The following LIPA variants were observed in gnomAD, a reference collection of about 807,000 sequenced individuals.
LIPA encodes lysosomal acid lipase/cholesteryl ester hydrolase.
A neutral mutation model predicts 40.6 loss-of-function variants in LIPA; 26 were observed. The ratio of observed to expected loss-of-function variants is 0.64; its 90% CI spans 0.47 to 0.89. The LOEUF (loss-of-function observed/expected upper bound fraction) is 0.89. Among genes scored for constraint, LIPA ranks in the 40% least tolerant of loss-of-function variants. LIPA has a pLI of 0.00. For synonymous variants in LIPA, 188 were observed against 168.4 expected (o/e 1.12, Z -0.90); for missense variants, 455 against 479.6 (o/e 0.95, Z 0.48).
chr10:89,339,451 CG>C (rs751198191), intron 1 of LIPA: 2 of 1,614,138 alleles, frequency 1.2e-6, no homozygotes, highest in Admixed American at 1.7e-5. Context: ...ACTGTTTCAA[CG>C]GGTGTTGGAA....
chr10:89,306,357 A>G (rs755890892), intron 1 of LIPA: 1 of 1,614,188 alleles, frequency 6.2e-7, no homozygotes, highest in South Asian at 1.1e-5. Flanking sequence ...TATAGAATTG[A>G]GAGTCCAGAG....
chr10:89,408,641 A>G (rs1841444669), intron 2 of LIPA, among the ~76,000 whole-genome samples: 1 of 152,234 alleles, frequency 6.6e-6, no homozygotes, highest in African/African-American at 2.4e-5. Flanking sequence ...AAAGCAGATC[A>G]AGGCAGACCT....
chr10:89,365,180 TG>T (rs1355733386), intron 2 of LIPA, among the ~76,000 whole-genome samples: 3 of 152,202 alleles, frequency 2.0e-5, no homozygotes, highest in Admixed American at 6.5e-5. Flanking sequence ...TACCAGTGCA[TG>T]GGGTTTCCAA....
intron 1 of LIPA, among the ~76,000 whole-genome samples, chr10:89,322,694 A>G (rs1465772017): frequency 6.6e-6 from 1 of 152,102 alleles, no homozygotes; most frequent in South Asian, 2.1e-4. Flanking sequence ...CTGGTGCCAT[A>G]GCCCAATAAA....
intron 6 of LIPA, 124 bp downstream of exon 6, chr10:89,224,968 C>CCACT: frequency 8.0e-7 from 1 of 1,245,772 alleles, no homozygotes; most frequent in Non-Finnish European, 1.2e-6. Context: ...AAAGAAAAGC[C>CCACT]CACTGCTCCA....
At chr10:89,327,963 C>T (rs1843614932) in intron 1 of LIPA, 1 of 1,101,676 alleles carries the variant, frequency 9.1e-7, no homozygotes, top group South Asian at 1.3e-5. Context: ...TACTCTCCCA[C>T]CCCTTTATAT....
chr10:89,307,290 A>C (rs138979563), intron 1 of LIPA: 3 of 1,613,952 alleles, frequency 1.9e-6, no homozygotes, highest in African/African-American at 1.3e-5. Flanking sequence ...CTGAATGAAA[A>C]AATGCAACAA....
At chr10:89,379,081 T>C (rs1167339357) in intron 2 of LIPA, among the ~76,000 whole-genome samples, 3 of 152,256 alleles carry the variant, frequency 2.0e-5, no homozygotes, top group Admixed American at 2.0e-4. Context: ...ATTGGTTAAA[T>C]TCACGTGGGA....
At chr10:89,232,942 C>T (rs1842859685) in intron 3 of LIPA, among the ~76,000 whole-genome samples, 1 of 152,174 alleles carries the variant, frequency 6.6e-6, no homozygotes, top group Admixed American at 6.5e-5. Context: ...GGCCTGTGGA[C>T]AGCTGGAGCA....
chr10:89,378,209 G>A (rs1844136783), intron 2 of LIPA: 1 of 1,564,006 alleles, frequency 6.4e-7, no homozygotes, highest in Non-Finnish European at 8.8e-7. Flanking sequence ...TTCCTTAAGG[G>A]CCAATTTTTT....
At chr10:89,287,719 C>T (rs1843348501) in intron 1 of LIPA, among the ~76,000 whole-genome samples, 2 of 152,214 alleles carry the variant, frequency 1.3e-5, no homozygotes, top group African/African-American at 4.8e-5. Context: ...AGGATTAAAG[C>T]ATGTTATCAC....
intron 2 of LIPA, among the ~76,000 whole-genome samples, chr10:89,371,085 C>A (rs948074591): frequency 6.6e-6 from 1 of 152,184 alleles, no homozygotes; most frequent in Non-Finnish European, 1.5e-5. Context: ...GGCAAAATTG[C>A]CCCCATTTGA....
At chr10:89,410,424 G>A (rs1329691721) in intron 2 of LIPA, among the ~76,000 whole-genome samples, 1 of 152,218 alleles carries the variant, frequency 6.6e-6, no homozygotes, top group Non-Finnish European at 1.5e-5. Context: ...TGCTGCCCGA[G>A]ATGATCCCTT....
chr10:89,265,385 C>T (rs1188044637), intron 1 of LIPA, among the ~76,000 whole-genome samples: 1 of 152,184 alleles, frequency 6.6e-6, no homozygotes, highest in Non-Finnish European at 1.5e-5. Context: ...GTCCTGGTCA[C>T]ACCTCCCCTG....
At chr10:89,392,851 C>A in intron 2 of LIPA, 1 of 890,576 alleles carries the variant, frequency 1.1e-6, no homozygotes. Context: ...TGCTTATGGA[C>A]TGAATGTGTG....
chr10:89,229,490 C>T (rs1842813765), intron 3 of LIPA, among the ~76,000 whole-genome samples: 1 of 152,180 alleles, frequency 6.6e-6, no homozygotes, highest in Non-Finnish European at 1.5e-5. Flanking sequence ...GTGGTTCATG[C>T]CTGCAATCCC....
chr10:89,372,258 G>C (rs1234594326), intron 2 of LIPA, among the ~76,000 whole-genome samples: 1 of 152,228 alleles, frequency 6.6e-6, no homozygotes, highest in Non-Finnish European at 1.5e-5. Context: ...TGTGCAGCCA[G>C]CATCATTGCA....
chr10:89,394,577 AATATATATATATATATATATATATAT>A (rs200060906), intron 2 of LIPA, among the ~76,000 whole-genome samples: 57 of 108,742 alleles, frequency 5.2e-4, no homozygotes, highest in Middle Eastern at 5.5e-3. Flanking sequence ...ACTACAGGAA[AATATATATATATATATATATATATAT>A]ATATATATAT....
chr10:89,363,370 GA>G (rs1844034864), intron 2 of LIPA: 1 of 152,240 alleles, frequency 6.6e-6, no homozygotes, highest in Admixed American at 6.5e-5. Context: ...ACATTTACCA[GA>G]AAGCACTCAG....
Sources: allele counts gnomAD v4.1 joint callset (sites outside exome capture counted in the v4.1 genomes callset), GRCh38; gene constraint gnomAD v4.1.1; transcripts MANE v1.5; gene names NCBI Gene and HGNC (gene_info 2026-07-23, HGNC 2026-07-21).